The following CDH19 variants were observed in gnomAD, a reference collection of about 807,000 sequenced individuals.
CDH19 encodes the protein cadherin-19.
Under a neutral mutation model 64.2 loss-of-function variants are expected in CDH19, and 67 were observed. The ratio of observed to expected loss-of-function variants is 1.04; its 90% CI spans 0.86 to 1.28. CDH19 has a LOEUF of 1.28. Ranked by LOEUF, CDH19 falls within the 50% of genes most tolerant of loss-of-function variation. The pLI is 0.00. For missense variants in CDH19, 1,030 were observed against 929.0 expected (o/e 1.11, Z -1.41); for synonymous variants, 346 against 319.3 (o/e 1.08, Z -0.89).
intron 9 of CDH19, among the ~76,000 whole-genome samples, chr18:66,513,438 C>T (rs549545749): frequency 6.6e-6 from 1 of 151,422 alleles, no homozygotes; most frequent in African/African-American, 2.4e-5. Flanking sequence ...TTCATAATTA[C>T]TTTATAAAAA....
chr18:66,555,698 G>T (rs1268383558), intron 3 of CDH19, among the ~76,000 whole-genome samples: 2 of 151,562 alleles, frequency 1.3e-5, no homozygotes, highest in Non-Finnish European at 3.0e-5. Flanking sequence ...AGTTTCAGAT[G>T]TTTTAAAGTG....
intron 3 of CDH19, among the ~76,000 whole-genome samples, chr18:66,556,916 C>T (rs1385499290): frequency 6.6e-6 from 1 of 151,764 alleles, no homozygotes; most frequent in East Asian, 1.9e-4. Flanking sequence ...CAAGAGAAGG[C>T]AAGTGTTGGT....
At chr18:66,549,602 C>T (rs2144508768) in intron 5 of CDH19, among the ~76,000 whole-genome samples, 1 of 152,180 alleles carries the variant, frequency 6.6e-6, no homozygotes, top group East Asian at 1.9e-4. Flanking sequence ...CACAGAGGAA[C>T]TGTTTTCTCA....
At chr18:66,532,541 GA>G (rs570706089) in intron 8 of CDH19, 65 of 290,866 alleles carry the variant, frequency 2.2e-4, no homozygotes, top group Middle Eastern at 1.1e-3. Flanking sequence ...GAGAGAGAGG[GA>G]AAAAAAAAGC....
At chr18:66,519,785 T>C (rs1426183505) in intron 9 of CDH19, among the ~76,000 whole-genome samples, 11 of 152,174 alleles carry the variant, frequency 7.2e-5, no homozygotes, top group Admixed American at 7.2e-4. Flanking sequence ...ACAACACTTA[T>C]TTTGCTATCC....
intron 8 of CDH19, among the ~76,000 whole-genome samples, chr18:66,530,568 G>A (rs1423052676): frequency 6.6e-6 from 1 of 151,894 alleles, no homozygotes; most frequent in Admixed American, 6.6e-5. Context: ...ATTGAATTGA[G>A]AAGATTTTCT....
intron 1 of CDH19, among the ~76,000 whole-genome samples, chr18:66,602,586 A>G (rs1032970009): frequency 2.6e-5 from 4 of 151,914 alleles, no homozygotes; most frequent in Non-Finnish European, 4.4e-5. Context: ...TGTGCCTAAA[A>G]TTATAAATAT....
chr18:66,565,310 C>T (rs542550044), intron 3 of CDH19, among the ~76,000 whole-genome samples: 2 of 151,896 alleles, frequency 1.3e-5, no homozygotes, highest in Admixed American at 1.3e-4. Context: ...GTTTAATAAG[C>T]AACAAGTTAA....
At position 66,542,332 on chromosome 18, in the gene CDH19, C is replaced by T. The variant is rs536595937; in HGVS notation, c.1214+1639G>A. On this transcript the variant is annotated intron_variant, in intron 7 of 11. Transcript: ENST00000262150. Reference sequence around the variant, plus strand: ...ATTGAGCTTTTTCATTGAGCTACTGCAAGACCTTCACAGAGCCAAGGAGCA... The same window carrying T: ...ATTGAGCTTTTTCATTGAGCTACTGTAAGACCTTCACAGAGCCAAGGAGCA... 3.5e-4 allele frequency among the ~76,000 whole-genome samples: 54 copies of T among 152,118 alleles called. 1 individual carries two copies. The East Asian group carries it at 3.7e-3, about 10-fold the overall frequency.
chr18:66,602,408 C>CTGTGCA (rs1243276640), intron 1 of CDH19, among the ~76,000 whole-genome samples: 1 of 151,894 alleles, frequency 6.6e-6, no homozygotes, highest in Non-Finnish European at 1.5e-5. Flanking sequence ...TAGGAGGCAT[C>CTGTGCA]TGTGCACATC....
intron 5 of CDH19, among the ~76,000 whole-genome samples, chr18:66,547,869 G>T (rs1029176210): frequency 6.9e-6 from 1 of 145,524 alleles, no homozygotes; most frequent in Non-Finnish European, 1.5e-5. Flanking sequence ...GGGTTTCACC[G>T]TTTTAGCCGG....
chr18:66,591,028 C>A (rs9959487), intron 1 of CDH19, among the ~76,000 whole-genome samples: 21,918 of 151,620 alleles, frequency 0.14, 1,711 homozygotes, highest in East Asian at 0.25. Flanking sequence ...AATGTTGACC[C>A]GTAAGTAGAA....
At chr18:66,545,948 CT>C (rs11450520) in intron 5 of CDH19, among the ~76,000 whole-genome samples, 10 of 149,950 alleles carry the variant, frequency 6.7e-5, no homozygotes, top group East Asian at 2.0e-4. Context: ...TTGCTGGGCA[CT>C]TTTTTTTTTA....
At chr18:66,597,981 T>C (rs1252264824) in intron 1 of CDH19, among the ~76,000 whole-genome samples, 1 of 152,070 alleles carries the variant, frequency 6.6e-6, no homozygotes, top group Non-Finnish European at 1.5e-5. Flanking sequence ...ACATGGCACA[T>C]GTATACATAT....
chr18:66,506,458 A>G (rs994156633), intron 11 of CDH19, among the ~76,000 whole-genome samples: 1 of 152,034 alleles, frequency 6.6e-6, no homozygotes, highest in African/African-American at 2.4e-5. Context: ...AATTATAAAT[A>G]CAATAAAATA....
chr18:66,567,851 C>A (rs1340909026), intron 3 of CDH19, among the ~76,000 whole-genome samples: 1 of 151,764 alleles, frequency 6.6e-6, no homozygotes, highest in Non-Finnish European at 1.5e-5. Flanking sequence ...ATTCTTATAT[C>A]TTATGGAAAC....
rs769580349 is a variant in CDH19 at position 66,544,799 on chromosome 18, T to C, written c.880A>G (p.Ser294Gly). 20 of 1,609,952 alleles carry C rather than the reference T, an allele frequency of 1.2e-5. No individual in the cohort carries two copies. In the African/African-American group the frequency reaches 2.4e-4, roughly 19 times the overall value. The change falls in exon 6 of 12, where the codon AGC becomes GGC. Residue 294 changes from serine (S) to glycine (G), a missense_variant. By Grantham distance (56) the Ser-to-Gly change is moderately conservative. Coordinates refer to ENST00000262150, the MANE Select transcript of CDH19 (RefSeq NM_021153.4). ...DIGENAEMDY[S>G]IEEDDSQTFD... ...GTTTGCGAATCATCCTCTTCAATGC[T>C]GTAATCCATTTCTGCATTCTCTCCT...
At chr18:66,577,810 G>C (rs1179597948) in intron 1 of CDH19, among the ~76,000 whole-genome samples, 1 of 151,878 alleles carries the variant, frequency 6.6e-6, no homozygotes, top group Non-Finnish European at 1.5e-5. Context: ...ACTGAAACCA[G>C]GGTGCCAGAA....
chr18:66,533,231 C>A (rs1375132606), intron 8 of CDH19, among the ~76,000 whole-genome samples: 1 of 151,878 alleles, frequency 6.6e-6, no homozygotes, highest in Non-Finnish European at 1.5e-5. Context: ...CACACACACA[C>A]ACACACACAT....
Sources: gnomAD v4.1 joint callset for allele counts (sites outside exome capture counted in the v4.1 genomes callset) on GRCh38, gnomAD v4.1.1 for gene constraint, MANE v1.5 for transcripts, NCBI Gene and HGNC (gene_info 2026-07-23, HGNC 2026-07-21) for gene names.